NXPH1: variants seen among roughly 807,000 people sequenced by gnomAD.
NXPH1 encodes the protein neurexophilin 1.
In NXPH1, 5 loss-of-function variants were observed where a neutral mutation model predicts 23.7. That is an observed-to-expected ratio of 0.21 (90% CI 0.11 to 0.44). The LOEUF (loss-of-function observed/expected upper bound fraction) is 0.44. NXPH1 is among the 20% of genes least tolerant of loss of function. The pLI, the probability that NXPH1 is intolerant of heterozygous loss-of-function variation, is 0.99. For missense variants in NXPH1, 324 were observed against 321.6 expected, an observed-to-expected ratio of 1.01 and a Z score of -0.06; for synonymous variants, 144 against 122.2, an observed-to-expected ratio of 1.18 and a Z score of -1.18.
At chr7:8,750,296 A>G (rs374830268) in intron 2 of NXPH1, among the ~76,000 whole-genome samples, 1 of 152,212 alleles carries the variant, frequency 6.6e-6, no homozygotes, top group East Asian at 1.9e-4. Context: ...CAGTTGACAT[A>G]TGTCTGAGAA....
intron 2 of NXPH1, among the ~76,000 whole-genome samples, chr7:8,578,429 C>T (rs1185452253): frequency 6.6e-6 from 1 of 152,202 alleles, no homozygotes; most frequent in Non-Finnish European, 1.5e-5. Context: ...ACTATAGCCT[C>T]AGCAAATAGA....
chr7:8,707,742 G>C (rs979709775), intron 2 of NXPH1, among the ~76,000 whole-genome samples: 5 of 152,084 alleles, frequency 3.3e-5, no homozygotes, highest in Admixed American at 2.0e-4. Context: ...GTGACCTTGA[G>C]AAAGTCACTT....
intron 2 of NXPH1, among the ~76,000 whole-genome samples, chr7:8,438,971 A>T (rs773444436): frequency 1.3e-5 from 2 of 152,208 alleles, no homozygotes; most frequent in African/African-American, 2.4e-5. Flanking sequence ...CCACCACAGG[A>T]CAAGCTCCAG....
chr7:8,469,890 G>C (rs1027132143), intron 2 of NXPH1, among the ~76,000 whole-genome samples: 1 of 152,272 alleles, frequency 6.6e-6, no homozygotes, highest in East Asian at 1.9e-4. Flanking sequence ...CTGAGCTTCA[G>C]TGATACTGGC....
intron 2 of NXPH1, among the ~76,000 whole-genome samples, chr7:8,607,581 C>T (rs1440459845): frequency 1.3e-5 from 2 of 152,144 alleles, no homozygotes; most frequent in African/African-American, 2.4e-5. Flanking sequence ...TGGCAAATAA[C>T]TTTGACTCTT....
At chr7:8,483,965 C>CTTTT (rs60436502) in intron 2 of NXPH1, among the ~76,000 whole-genome samples, 5 of 132,324 alleles carry the variant, frequency 3.8e-5, no homozygotes, top group Admixed American at 1.5e-4. Flanking sequence ...CTCCCCCCAC[C>CTTTT]TTTTTTTTTT....
chr7:8,603,091 G>A (rs532765789), intron 2 of NXPH1, among the ~76,000 whole-genome samples: 8 of 152,214 alleles, frequency 5.3e-5, no homozygotes, highest in South Asian at 2.1e-4. Context: ...GATTACAGAC[G>A]TGAGCCACCG....
At chr7:8,590,073 T>G (rs1819060845) in intron 2 of NXPH1, among the ~76,000 whole-genome samples, 1 of 152,064 alleles carries the variant, frequency 6.6e-6, no homozygotes, top group South Asian at 2.1e-4. Flanking sequence ...GAAGTGAACA[T>G]GAACCTGAAG....
intron 2 of NXPH1, among the ~76,000 whole-genome samples, chr7:8,685,275 T>G (rs1821130199): frequency 6.6e-6 from 1 of 152,002 alleles, no homozygotes; most frequent in Admixed American, 6.6e-5. Context: ...TTAGGTATGT[T>G]TGAAGTAGAG....
intron 2 of NXPH1, among the ~76,000 whole-genome samples, chr7:8,507,240 A>G (rs1286033178): frequency 2.6e-5 from 4 of 151,736 alleles, no homozygotes; most frequent in Non-Finnish European, 2.9e-5. Context: ...TCTGACTTAC[A>G]TAATTGAATA....
rs778080583 is a variant in NXPH1 at position 8,751,187 on chromosome 7, C to A, written c.234C>A (p.Thr78=). The A allele has an allele frequency of 1.3e-5, 21 of 1,613,620 alleles. No individual in the cohort carries two copies. The highest frequency in any genetic ancestry group is 1.1e-5 in the South Asian group (1 of 91,090). Residue 78 remains threonine, a synonymous_variant, in exon 3 of 3, where the codon ACC becomes ACA. Transcript: ENST00000405863. This position sits in a 1 kb window ranked among gnomAD's most constrained non-coding sequence, Gnocchi z 4.5. ...NDTDLDLRYD[T]PEPYSEQDLW... The stretch of plus-strand genomic sequence containing the variant: ...CAGATTTGGACCTGAGATATGACAC[C>A]CCAGAACCTTATTCTGAGCAAGACC...
In NXPH1 at chr7:8,442,560, G is replaced by A. The variant is rs1232990097; in HGVS notation, c.54+6793G>A. Among the ~76,000 whole-genome samples the A allele has an allele frequency of 6.6e-6, 1 of 152,198 alleles. No individual in the cohort carries two copies. Among genetic ancestry groups the A allele is most frequent in the Non-Finnish European group, 1.5e-5 (1 of 68,030 alleles). On this transcript the variant is annotated intron_variant, in intron 2 of 2. Coordinates refer to ENST00000405863, the MANE Select transcript of NXPH1 (RefSeq NM_152745.3). The surrounding 1 kb of genome is among the most constrained non-coding windows in gnomAD (Gnocchi z 4.6). ...CGTCCTCACACATTGACTTTAAAAG[G>A]CCATTTTCCTTCGTCTTCTACAAGA...
chr7:8,743,679 T>C (rs1194583834), intron 2 of NXPH1, among the ~76,000 whole-genome samples: 3 of 142,466 alleles, frequency 2.1e-5, no homozygotes, highest in African/African-American at 8.1e-5. Flanking sequence ...CAACTCTTTT[T>C]TTTTCTTTTC....
intron 2 of NXPH1, among the ~76,000 whole-genome samples, chr7:8,488,347 G>A (rs1817192556): frequency 6.6e-6 from 1 of 152,028 alleles, no homozygotes; most frequent in Non-Finnish European, 1.5e-5. Flanking sequence ...ACATCCATTA[G>A]TTGTGATATC....
intron 2 of NXPH1, among the ~76,000 whole-genome samples, chr7:8,663,409 C>T (rs1423249458): frequency 6.6e-6 from 1 of 152,048 alleles, no homozygotes; most frequent in African/African-American, 2.4e-5. Context: ...ATCTGCCTAG[C>T]CCCATTGTAG....
intron 2 of NXPH1, among the ~76,000 whole-genome samples, chr7:8,577,958 A>G (rs541333721): frequency 1.3e-5 from 2 of 152,320 alleles, no homozygotes; most frequent in East Asian, 3.9e-4. Flanking sequence ...GCAAGCCTTC[A>G]GATGACTGCA....
In NXPH1 at chr7:8,751,976, A is replaced by G; in HGVS notation, c.*207A>G. The G allele has an allele frequency of 1.8e-6, 1 of 548,228 alleles. No individual in the cohort carries two copies. Among genetic ancestry groups the G allele is most frequent in the East Asian group, 2.9e-5 (1 of 34,458 alleles). The allele number at this position is 548,228 out of a possible 1,614,324, so 34.0% of individuals were successfully genotyped here. On this transcript the variant is annotated 3_prime_UTR_variant, in exon 3 of 3. Coordinates refer to ENST00000405863, the MANE Select transcript of NXPH1 (RefSeq NM_152745.3). This position sits in a 1 kb window ranked among gnomAD's most constrained non-coding sequence, Gnocchi z 4.5. Reference sequence around the variant, plus strand: ...TCCCTCAGTATAATTGTAAATCATCACAGATTTTGAATTCACACCTGAAGA... The same window carrying G: ...TCCCTCAGTATAATTGTAAATCATCGCAGATTTTGAATTCACACCTGAAGA...
intron 2 of NXPH1, among the ~76,000 whole-genome samples, chr7:8,437,064 T>C (rs1348917140): frequency 6.6e-6 from 1 of 152,158 alleles, no homozygotes; most frequent in Non-Finnish European, 1.5e-5. Context: ...CGCCTGACCG[T>C]AGCAGCCGCG....
chr7:8,699,513 G>A lies in NXPH1; in HGVS notation c.55-51495G>A, dbSNP rs1267115680. Among the ~76,000 whole-genome samples, 6 of 152,170 alleles carry A rather than the reference G, an allele frequency of 3.9e-5. No individual in the cohort carries two copies. The East Asian group carries it at 1.2e-3, about 29-fold the overall frequency. On this transcript the variant is annotated intron_variant, in intron 2 of 2. Transcript: ENST00000405863. ...ACTTGGCAGTAATTCTCATAAAAAA[G>A]TAATTTTGAACAGATATGACAGTTT...
Sources: allele counts gnomAD v4.1 joint callset (sites outside exome capture counted in the v4.1 genomes callset), GRCh38; gene constraint gnomAD v4.1.1; non-coding constraint Gnocchi (gnomAD v3.1); transcripts MANE v1.5; gene names NCBI Gene and HGNC (gene_info 2026-07-23, HGNC 2026-07-21).